Variants in MCPH1 observed in about 807,000 individuals in gnomAD.
MCPH1 encodes the protein microcephalin.
MCPH1 carries 104 observed loss-of-function variants against 84.5 expected under a neutral mutation model. That is an observed-to-expected ratio of 1.23 (90% confidence interval 1.05 to 1.45). The LOEUF (loss-of-function observed/expected upper bound fraction) is 1.45. Ranked by LOEUF, MCPH1 falls within the 40% of genes most tolerant of loss-of-function variation. The pLI is 0.00. For missense variants in MCPH1, 1,498 were observed against 1,005.7 expected (o/e 1.49, Z -6.62); for synonymous variants, 514 against 366.8 (o/e 1.40, Z -4.58).
chr8:6,489,278 T>C (rs1810298311), intron 11 of MCPH1, among the ~76,000 whole-genome samples: 1 of 151,338 alleles, frequency 6.6e-6, no homozygotes, highest in African/African-American at 2.4e-5. Flanking sequence ...TTAGGTTTGA[T>C]CTCTGGGCTG....
chr8:6,491,065 A>AT (rs1810513625), intron 11 of MCPH1, among the ~76,000 whole-genome samples: 1 of 149,872 alleles, frequency 6.7e-6, no homozygotes, highest in African/African-American at 2.4e-5. Context: ...TATCAAAAAA[A>AT]ATTTTTTTTT....
At chr8:6,575,624 ATGT>A (rs1563146743) in intron 12 of MCPH1, among the ~76,000 whole-genome samples, 1 of 152,346 alleles carries the variant, frequency 6.6e-6, no homozygotes, top group East Asian at 1.9e-4. Context: ...CCGAAAATTC[ATGT>A]TGAAGTCCTA....
At chr8:6,634,324 A>C (rs1314415939) in intron 13 of MCPH1, among the ~76,000 whole-genome samples, 1 of 152,232 alleles carries the variant, frequency 6.6e-6, no homozygotes, top group Non-Finnish European at 1.5e-5. Context: ...GGCAGCGTCG[A>C]AACTCATTGA....
chr8:6,426,704 G>C (rs750277418), intron 3 of MCPH1, among the ~76,000 whole-genome samples: 13 of 152,174 alleles, frequency 8.5e-5, no homozygotes, highest in Non-Finnish European at 1.6e-4. Context: ...TTCCAAGGTG[G>C]TTATGGCACT....
chr8:6,476,387 C>G (rs993157891), intron 9 of MCPH1, among the ~76,000 whole-genome samples: 1 of 148,354 alleles, frequency 6.7e-6, no homozygotes, highest in African/African-American at 2.5e-5. Flanking sequence ...CGAGATTGCA[C>G]CATTGCACTC....
chr8:6,519,342 C>T (rs911127314), intron 12 of MCPH1, among the ~76,000 whole-genome samples: 4 of 152,192 alleles, frequency 2.6e-5, no homozygotes, highest in African/African-American at 9.7e-5. Flanking sequence ...GTGGGTAAAA[C>T]TGCCACCATC....
intron 12 of MCPH1, among the ~76,000 whole-genome samples, chr8:6,596,789 C>A (rs1414889150): frequency 6.6e-6 from 1 of 152,172 alleles, no homozygotes; most frequent in South Asian, 2.1e-4. Context: ...CTCTTTTCTG[C>A]TGAAATTGAT....
rs998754348 is a variant in MCPH1 at position 6,431,518 on chromosome 8, C to T, written c.253C>T (p.His85Tyr). 5.6e-6 allele frequency: 9 copies of T among 1,613,354 alleles called. No individual in the cohort carries two copies. The highest frequency in any genetic ancestry group is 7.6e-6 in the Non-Finnish European group (9 of 1,179,568). ...WVEKCRTAGA[H>Y]IDESLFPAAN... ...ATACAGATGCAGGACAGCTGGAGCA[C>T]ACATTGATGAATCATTGTTCCCTGC... The change falls in exon 4 of 14, where the codon CAC becomes TAC. Residue 85 changes from histidine to tyrosine, a missense_variant. Transcript: ENST00000344683.
intron 9 of MCPH1, among the ~76,000 whole-genome samples, chr8:6,472,056 C>A (rs948666986): frequency 6.6e-6 from 1 of 152,086 alleles, no homozygotes; most frequent in Non-Finnish European, 1.5e-5. Context: ...GTTCTAGATA[C>A]AGCATCTAGA....
At chr8:6,602,670 T>C (rs1349563694) in intron 12 of MCPH1, among the ~76,000 whole-genome samples, 1 of 152,128 alleles carries the variant, frequency 6.6e-6, no homozygotes, top group Non-Finnish European at 1.5e-5. Flanking sequence ...GGTTTGTTGC[T>C]TTCCTTGTTG....
At chr8:6,519,904 A>G (rs1280038631) in intron 12 of MCPH1, 21 of 1,614,084 alleles carry the variant, frequency 1.3e-5, no homozygotes, top group Non-Finnish European at 1.7e-5. Context: ...TAACGTGTAG[A>G]TGCCATTCGT....
chr8:6,536,291 C>G (rs765327238), intron 12 of MCPH1, among the ~76,000 whole-genome samples: 8 of 152,074 alleles, frequency 5.3e-5, no homozygotes, highest in African/African-American at 1.4e-4. Context: ...ATCGCTGTGT[C>G]GGGATCCCAG....
chr8:6,503,028 C>A lies in MCPH1; in HGVS notation c.2214+3099C>A, dbSNP rs563347494. On this transcript the variant is annotated intron_variant, in intron 12 of 13. Coordinates refer to ENST00000344683, the MANE Select transcript of MCPH1 (RefSeq NM_024596.5). The stretch of plus-strand genomic sequence containing the variant: ...TGGTGGAAGAGGACACAGTGCGCAG[C>A]CGTGACTTTCAGTGCACTGGGCTTA... The A allele has an allele frequency of 6.4e-5, 100 of 1,567,638 alleles. No individual in the cohort carries two copies. In the East Asian group the frequency reaches 1.7e-3, roughly 27 times the overall value.
intron 12 of MCPH1, among the ~76,000 whole-genome samples, chr8:6,531,571 C>A (rs563550658): frequency 1.3e-5 from 2 of 152,160 alleles, no homozygotes; most frequent in Non-Finnish European, 2.9e-5. Flanking sequence ...GAATTACAGG[C>A]GTGAGCTACT....
At chr8:6,450,535 A>C (rs2440413) in intron 8 of MCPH1, among the ~76,000 whole-genome samples, 102,236 of 147,850 alleles carry the variant, frequency 0.69, 38,780 homozygotes, top group Non-Finnish European at 0.83. Flanking sequence ...ATGCTCTGTT[A>C]TGTGTGGGTA....
chr8:6,444,946 G>T lies in MCPH1; in HGVS notation c.1224G>T (p.Gly408=). 2 of 1,614,106 alleles carry T rather than the reference G, an allele frequency of 1.2e-6. No individual in the cohort carries two copies. The highest frequency in any genetic ancestry group is 2.2e-5 in the East Asian group (1 of 44,874). ...AGPALEALSC[G]ESSYDDYFSP... is the part of the protein sequence containing the mutation. ...CTGCCCTGGAGGCTCTTAGCTGTGGGGAGTCTTCATATGATGACTATTTTT... is the reference window on the plus strand; with the variant it reads ...CTGCCCTGGAGGCTCTTAGCTGTGGTGAGTCTTCATATGATGACTATTTTT... The change falls in exon 8 of 14, where the codon GGG becomes GGT. Residue 408 remains glycine, a synonymous_variant. Transcript: ENST00000344683.
At chr8:6,550,252 T>C (rs950259922) in intron 12 of MCPH1, among the ~76,000 whole-genome samples, 1 of 152,126 alleles carries the variant, frequency 6.6e-6, no homozygotes, top group African/African-American at 2.4e-5. Context: ...GCGTCACTGA[T>C]GCGCAGCTCA....
In MCPH1 at chr8:6,627,569, G is replaced by C. The variant is rs932820064; in HGVS notation, c.2452+5878G>C. ...ACTAAAACTGGTGGGATTTGGTAAT[G>C]TCGACATCTGAGATGTTTAGGCTTT... is the stretch of plus-strand genomic sequence containing the variant. On this transcript the variant is annotated intron_variant, in intron 13 of 13. Coordinates refer to ENST00000344683, the MANE Select transcript of MCPH1 (RefSeq NM_024596.5). Among the ~76,000 whole-genome samples, 7 of 152,222 alleles carry C rather than the reference G, an allele frequency of 4.6e-5. No homozygotes were observed. The South Asian group carries it at 1.4e-3, about 32-fold the overall frequency.
chr8:6,606,404 C>G (rs1235152286), intron 12 of MCPH1, among the ~76,000 whole-genome samples: 1 of 152,194 alleles, frequency 6.6e-6, no homozygotes, highest in East Asian at 1.9e-4. Context: ...TTGAACCAAA[C>G]CATGGCTTTG....
Sources: gnomAD v4.1 joint callset for allele counts (sites outside exome capture counted in the v4.1 genomes callset) on GRCh38, gnomAD v4.1.1 for gene constraint, MANE v1.5 for transcripts, NCBI Gene and HGNC (gene_info 2026-07-23, HGNC 2026-07-21) for gene names.